Variants in DOCK3 observed in about 807,000 individuals in gnomAD.
DOCK3 encodes dedicator of cytokinesis 3.
Under a neutral mutation model 265.6 loss-of-function variants are expected in DOCK3, and 60 were observed. The observed-to-expected ratio is 0.23, with a 90% CI of 0.18 to 0.28. The LOEUF (loss-of-function observed/expected upper bound fraction) is 0.28, where lower values mean the gene tolerates loss of function less well. DOCK3 is among the 10% of genes least tolerant of loss of function. The pLI is 1.00. For synonymous variants in DOCK3, 881 were observed against 938.0 expected, an observed-to-expected ratio of 0.94 and a Z score of 1.11; for missense variants, 1,981 against 2,594.3, an observed-to-expected ratio of 0.76 and a Z score of 5.14.
intron 36 of DOCK3, 93 bp downstream of exon 36, chr3:51,338,512 G>A: frequency 7.1e-7 from 1 of 1,412,066 alleles, no homozygotes; most frequent in Non-Finnish European, 9.8e-7. Context: ...ATACATGGCT[G>A]CAGGCCTAAG....
intron 4 of DOCK3, among the ~76,000 whole-genome samples, chr3:50,927,157 T>A (rs762527516): frequency 1.4e-4 from 22 of 152,164 alleles, no homozygotes; most frequent in Admixed American, 2.0e-4. Flanking sequence ...ATTAGCTTTG[T>A]CACTTCCTTC....
intron 13 of DOCK3, among the ~76,000 whole-genome samples, chr3:51,211,293 C>T (rs928274330): frequency 2.6e-5 from 4 of 151,946 alleles, no homozygotes; most frequent in Non-Finnish European, 4.4e-5. Context: ...AAATGGTTTT[C>T]TTGTGTCAGG....
chr3:50,861,750 GCTCT>G (rs991103406), intron 3 of DOCK3, among the ~76,000 whole-genome samples: 4 of 148,170 alleles, frequency 2.7e-5, no homozygotes, highest in African/African-American at 7.5e-5. Flanking sequence ...AGCAACCCCT[GCTCT>G]CTCTTTTTTT....
intron 16 of DOCK3, 114 bp from the exon 17 acceptor site, chr3:51,227,868 T>C (rs2090395406): frequency 9.8e-7 from 1 of 1,020,990 alleles, no homozygotes; most frequent in Non-Finnish European, 1.5e-6. Flanking sequence ...GGTTGCCACC[T>C]AGTTAATGAA....
At position 50,904,322 on chromosome 3, in the gene DOCK3, C is replaced by T. The variant is rs536890212; in HGVS notation, c.218+14241C>T. Among the ~76,000 whole-genome samples, 39 of 152,324 alleles carry T rather than the reference C, an allele frequency of 2.6e-4. No homozygotes were observed. The South Asian group carries it at 6.4e-3, about 25-fold the overall frequency. On this transcript the variant is annotated intron_variant, in intron 4 of 52. Coordinates refer to ENST00000266037, the MANE Select transcript of DOCK3 (RefSeq NM_004947.5). ...CAGATGGTATTTCTAGTTCTAGATC[C>T]TTGAGGAATCGCTACGCTGTCTTCC...
rs539820233 is a variant in DOCK3 at position 51,208,830 on chromosome 3, G to A, written c.1094G>A (p.Ser365Asn). The A allele has an allele frequency of 1.2e-5, 19 of 1,612,036 alleles. No individual in the cohort carries two copies. Among genetic ancestry groups the A allele is most frequent in the Non-Finnish European group, 1.6e-5 (19 of 1,179,300 alleles). ...CACGAGAACATCATCCGAAAGTCCA[G>A]TGCCAAGTACTCTGCCCCCAGCGCC... is the stretch of plus-strand genomic sequence containing the variant. Reference protein sequence around the residue: ...QIHENIIRKSSAKYSAPSASH... With the variant: ...QIHENIIRKSNAKYSAPSASH... Residue 365 changes from serine (S) to asparagine (N), a missense_variant, in exon 13 of 53, where the codon AGT (serine) becomes AAT (asparagine). Transcript: ENST00000266037.
chr3:50,705,340 G>A (rs2036336604), intron 1 of DOCK3, among the ~76,000 whole-genome samples: 1 of 152,098 alleles, frequency 6.6e-6, no homozygotes, highest in Non-Finnish European at 1.5e-5. Flanking sequence ...GGAGGTGATT[G>A]GATCCTGGGG....
At chr3:51,279,003 C>G (rs1481517038) in intron 26 of DOCK3, among the ~76,000 whole-genome samples, 1 of 152,082 alleles carries the variant, frequency 6.6e-6, no homozygotes, top group East Asian at 1.9e-4. Context: ...AATCCCAACA[C>G]TTTGGGAGGC....
intron 22 of DOCK3, among the ~76,000 whole-genome samples, chr3:51,255,133 T>C (rs2079476738): frequency 6.6e-6 from 1 of 152,232 alleles, no homozygotes; most frequent in African/African-American, 2.4e-5. Context: ...TGAAACTTAG[T>C]TTGGCTGGAT....
chr3:51,191,688 G>A (rs963009575), intron 12 of DOCK3, among the ~76,000 whole-genome samples: 1 of 151,930 alleles, frequency 6.6e-6, no homozygotes, highest in Non-Finnish European at 1.5e-5. Flanking sequence ...TTCAGTTCTT[G>A]TGTTGCTTCT....
intron 4 of DOCK3, among the ~76,000 whole-genome samples, chr3:50,895,426 A>G (rs1662344733): frequency 6.6e-6 from 1 of 151,322 alleles, no homozygotes; most frequent in South Asian, 2.1e-4. Flanking sequence ...TTTATTCAGG[A>G]ATGAGCATTG....
intron 9 of DOCK3, among the ~76,000 whole-genome samples, chr3:51,098,252 T>C (rs2082944207): frequency 6.6e-6 from 1 of 152,220 alleles, no homozygotes; most frequent in Non-Finnish European, 1.5e-5. Context: ...AAATGGGGTT[T>C]CACCATGTTT....
chr3:51,260,773 GGAGTTCAA>G (rs1689348192), intron 23 of DOCK3, among the ~76,000 whole-genome samples: 1 of 152,058 alleles, frequency 6.6e-6, no homozygotes, highest in African/African-American at 2.4e-5. Flanking sequence ...CTTGAGCTCA[GGAGTTCAA>G]GACCAGCCTG....
intron 2 of DOCK3, among the ~76,000 whole-genome samples, chr3:50,822,919 G>A (rs1018312377): frequency 4.0e-5 from 6 of 151,870 alleles, no homozygotes; most frequent in South Asian, 2.1e-4. Flanking sequence ...TCATCTTTTC[G>A]GTAAGAAAAA....
At chr3:51,317,890 G>A (rs551840737) in intron 32 of DOCK3, among the ~76,000 whole-genome samples, 5 of 151,908 alleles carry the variant, frequency 3.3e-5, no homozygotes, top group Admixed American at 6.6e-5. Flanking sequence ...TCAATACCAC[G>A]CTATCTTATT....
intron 5 of DOCK3, among the ~76,000 whole-genome samples, chr3:51,013,086 G>A (rs992533246): frequency 9.2e-5 from 14 of 152,084 alleles, no homozygotes; most frequent in Admixed American, 1.3e-4. Flanking sequence ...CTTGCAATGG[G>A]TTCGAACATC....
intron 27 of DOCK3, among the ~76,000 whole-genome samples, chr3:51,301,509 A>G (rs529205192): frequency 1.3e-5 from 2 of 151,944 alleles, no homozygotes; most frequent in African/African-American, 4.8e-5. Flanking sequence ...AGAAAGATTT[A>G]TTTGAGATCT....
Position 51,361,730 on chromosome 3 carries a change from T to TA in DOCK3, c.5007-129_5007-128insA. 7.8e-7 allele frequency: 1 copy of TA among 1,278,144 alleles called. No homozygotes were observed. 79.2% of individuals were successfully genotyped at this position (1,278,144 alleles called of 1,614,324 possible). ...TCCAGGCCTCAGATGGGTATGAGCA[T>TA]TGACTATGGAACCCTCCAAACCGGT... On this transcript the variant is annotated intron_variant, in intron 47 of 52. Coordinates refer to ENST00000266037, the MANE Select transcript of DOCK3 (RefSeq NM_004947.5). This position sits in a 1 kb window ranked among gnomAD's most constrained non-coding sequence, Gnocchi z 4.2.
intron 1 of DOCK3, among the ~76,000 whole-genome samples, chr3:50,678,805 C>A (rs1487301556): frequency 8.4e-5 from 3 of 35,894 alleles, no homozygotes; most frequent in African/African-American, 3.4e-4. Flanking sequence ...CCTTGCCTGC[C>A]TAATTTTTTT....
Sources: allele counts gnomAD v4.1 joint callset (sites outside exome capture counted in the v4.1 genomes callset), GRCh38; gene constraint gnomAD v4.1.1; non-coding constraint Gnocchi (gnomAD v3.1); transcripts MANE v1.5; gene names NCBI Gene and HGNC (gene_info 2026-07-23, HGNC 2026-07-21).